IFNAR2: variants seen among roughly 807,000 people sequenced by gnomAD.
The protein encoded by IFNAR2 is interferon alpha and beta receptor subunit 2.
Under a neutral mutation model 49.4 loss-of-function variants are expected in IFNAR2, and 30 were observed. The ratio of observed to expected loss-of-function variants is 0.61; its 90% CI spans 0.45 to 0.82. The LOEUF (loss-of-function observed/expected upper bound fraction) is 0.82, where lower values mean the gene tolerates loss of function less well. Ranked by LOEUF, IFNAR2 falls within the 40% of genes least tolerant of loss-of-function variation. IFNAR2 has a pLI of 0.00. For synonymous variants in IFNAR2, 224 were observed against 234.5 expected (o/e 0.96, Z 0.41); for missense variants, 600 against 622.7 (o/e 0.96, Z 0.39).
At chr21:33,247,863 A>G (rs1223900034) in intron 5 of IFNAR2, among the ~76,000 whole-genome samples, 2 of 152,226 alleles carry the variant, frequency 1.3e-5, no homozygotes, top group African/African-American at 2.4e-5. Context: ...GCAAAGTGGT[A>G]AGGATAACTG....
At position 33,262,356 on chromosome 21, in the gene IFNAR2, T is replaced by G. The variant is rs369184863; in HGVS notation, c.841-437T>G. On this transcript the variant is annotated intron_variant, in intron 8 of 8. Coordinates refer to ENST00000342136, the MANE Select transcript of IFNAR2 (RefSeq NM_001289125.3). Reference sequence around the variant, plus strand: ...TCCAGCCTGGGCAACAGAGCGAGACTCCCGTCTCAAAAAAAAAAAAAAAAA... The same window carrying G: ...TCCAGCCTGGGCAACAGAGCGAGACGCCCGTCTCAAAAAAAAAAAAAAAAA... 9.6e-3 allele frequency among the ~76,000 whole-genome samples: 803 copies of G among 83,980 alleles called. 7 individuals carry two copies. Among genetic ancestry groups the G allele is most frequent in the African/African-American group, 0.038 (766 of 20,012 alleles). 55.1% of individuals were successfully genotyped at this position (83,980 alleles called of 152,430 possible). A position where few individuals can be genotyped will look rare whatever the true frequency, so the allele number is the denominator to read the frequency against.
intron 1 of IFNAR2, among the ~76,000 whole-genome samples, chr21:33,240,007 C>G (rs1986796840): frequency 6.7e-6 from 1 of 148,480 alleles, no homozygotes. Context: ...TCTGCAGGCC[C>G]AGAGTGGTCA....
At chr21:33,243,340 C>T (rs1418024875) in intron 2 of IFNAR2, among the ~76,000 whole-genome samples, 1 of 152,142 alleles carries the variant, frequency 6.6e-6, no homozygotes, top group East Asian at 1.9e-4. Context: ...ACCTCGGCCT[C>T]CCAAAGTGCT....
rs746695388 is a variant in IFNAR2 at position 33,248,720 on chromosome 21, C to T, written c.406C>T (p.Pro136Ser). The change falls in exon 6 of 9, where the codon CCA becomes TCA. Residue 136 changes from proline to serine, a missense_variant. Pro to Ser is a moderately conservative substitution (Grantham distance 74). Transcript: ENST00000342136. ...TGTTTTTTGCACAGTGTCTTTTGAA[C>T]CACCAGAGTTTGAGATTGTTGGTTT... The part of the protein sequence containing the change: ...FWLAIDMSFE[P>S]PEFEIVGFTN... The T allele has an allele frequency of 3.1e-6, 5 of 1,605,682 alleles. No individual in the cohort carries two copies. In the East Asian group the frequency reaches 6.8e-5, roughly 22 times the overall value.
chr21:33,230,489 G>T lies in IFNAR2; in HGVS notation c.-84+273G>T, dbSNP rs17860118. On this transcript the variant is annotated intron_variant, in intron 1 of 8. Transcript: ENST00000342136. The surrounding 1 kb of genome is among the most constrained non-coding windows in gnomAD (Gnocchi z 5.5). Reference sequence around the variant, plus strand: ...CCCCTGCTGGGAGTCCGCTTTCGTTGCACCCCTCCGCGTCCCACCCCACCC... The same window carrying T: ...CCCCTGCTGGGAGTCCGCTTTCGTTTCACCCCTCCGCGTCCCACCCCACCC... The T allele has an allele frequency of 0.096, 45,278 of 469,426 alleles. 2,461 individuals are homozygous for T. The highest frequency in any genetic ancestry group is 0.16 in the East Asian group (2,300 of 14,212). The allele number at this position is 469,426 out of a possible 1,614,324, so 29.1% of individuals were successfully genotyped here. A position where few individuals can be genotyped will look rare whatever the true frequency, so the allele number is the denominator to read the frequency against.
rs137865413 is a variant in IFNAR2, at chr21:33,242,457, G to A, written c.55+480G>A. On this transcript the variant is annotated intron_variant, in intron 2 of 8. Transcript: ENST00000342136. ...TGTTAAAGATCTCGTGTGTGTCCGG[G>A]CGCGGTGGCTCGCGCCTGTAATCCC... is the stretch of plus-strand genomic sequence containing the variant. Among the ~76,000 whole-genome samples the A allele has an allele frequency of 8.7e-4, 132 of 152,178 alleles. 1 individual carries two copies. The highest frequency in any genetic ancestry group is 2.8e-3 in the Admixed American group (43 of 15,298).
intron 1 of IFNAR2, among the ~76,000 whole-genome samples, chr21:33,240,775 A>T (rs902701725): frequency 1.8e-5 from 1 of 56,062 alleles, no homozygotes; most frequent in Non-Finnish European, 3.8e-5. Context: ...TGATTGCACC[A>T]CTGGCACTCC....
In IFNAR2 at chr21:33,243,701, A is replaced by G. The variant is rs978334718; in HGVS notation, c.84A>G (p.Ser28=). 1.2e-6 allele frequency: 2 copies of G among 1,613,148 alleles called. No individual in the cohort carries two copies. The highest frequency in any genetic ancestry group is 8.5e-7 in the Non-Finnish European group (1 of 1,179,120). The change falls in exon 3 of 9, where the codon TCA becomes TCG. Residue 28 remains serine, a synonymous_variant. Coordinates refer to ENST00000342136, the MANE Select transcript of IFNAR2 (RefSeq NM_001289125.3). ...MVYISLVFGI[S]YDSPDYTDES... is the part of the protein sequence containing the mutation. Reference sequence around the variant, plus strand: ...ATATCAGCCTCGTGTTTGGTATTTCATATGATTCGCCTGGTAAGAGATGTT... The same window carrying G: ...ATATCAGCCTCGTGTTTGGTATTTCGTATGATTCGCCTGGTAAGAGATGTT...
rs1988898856 is a variant in IFNAR2, at chr21:33,265,503, GC to G, written c.*2005del. On this transcript the variant is annotated 3_prime_UTR_variant, in exon 9 of 9. Coordinates refer to ENST00000342136, the MANE Select transcript of IFNAR2 (RefSeq NM_001289125.3). Reference sequence around the variant, plus strand: ...TTTTGTATATTGAATCAATTTATCTGCCTTCTCAGTGCATCTGTCATATTCT... The same window carrying G: ...TTTTGTATATTGAATCAATTTATCTGCTTCTCAGTGCATCTGTCATATTCT... 1 of 155,770 alleles carries G rather than the reference GC, an allele frequency of 6.4e-6. No individual in the cohort carries two copies. The highest frequency in any genetic ancestry group is 2.4e-5 in the African/African-American group (1 of 41,438). The allele number at this position is 155,770 out of a possible 1,614,324, so 9.6% of individuals were successfully genotyped here.
At position 33,263,264 on chromosome 21, in the gene IFNAR2, G is replaced by A. The variant is rs755448797; in HGVS notation, c.1312G>A (p.Glu438Lys). 3.5e-5 allele frequency: 57 copies of A among 1,614,066 alleles called. No homozygotes were observed. In the Admixed American group the frequency reaches 8.2e-4, roughly 23 times the overall value. The change falls in exon 9 of 9, where the codon GAG (glutamate) becomes AAG (lysine). Residue 438 changes from glutamate to lysine, a missense_variant. Coordinates refer to ENST00000342136, the MANE Select transcript of IFNAR2 (RefSeq NM_001289125.3). ...NSVFLRVLDD[E>K]DSDDLEAPLM... Reference sequence around the variant, plus strand: ...TGTGTTTTTGAGAGTTCTTGATGACGAGGACAGTGACGACTTAGAAGCCCC... The same window carrying A: ...TGTGTTTTTGAGAGTTCTTGATGACAAGGACAGTGACGACTTAGAAGCCCC...
chr21:33,257,400 G>T (rs1376257926), intron 7 of IFNAR2, among the ~76,000 whole-genome samples: 2 of 152,212 alleles, frequency 1.3e-5, no homozygotes, highest in South Asian at 2.1e-4. Context: ...CCTGGAAGGG[G>T]ACCTGAGCGG....
At chr21:33,254,186 A>G (rs1360022353) in intron 7 of IFNAR2, among the ~76,000 whole-genome samples, 1 of 152,202 alleles carries the variant, frequency 6.6e-6, no homozygotes, top group African/African-American at 2.4e-5. Context: ...GGCCGAGTAA[A>G]GTAAAGTAAA....
At chr21:33,258,507 C>T (rs556522502) in intron 7 of IFNAR2, among the ~76,000 whole-genome samples, 1 of 152,198 alleles carries the variant, frequency 6.6e-6, no homozygotes, top group South Asian at 2.1e-4. Context: ...ATTTTTTATC[C>T]CAGTGAAACC....
chr21:33,248,652 T>G, intron 5 of IFNAR2, 57 bp from the exon 6 acceptor site: 8 of 1,508,060 alleles, frequency 5.3e-6, no homozygotes, highest in Admixed American at 2.2e-5. Context: ...CTTTAGACTT[T>G]GTGGGCCACA....
chr21:33,257,263 G>A (rs1431615859), intron 7 of IFNAR2, among the ~76,000 whole-genome samples: 1 of 152,156 alleles, frequency 6.6e-6, no homozygotes, highest in Non-Finnish European at 1.5e-5. Flanking sequence ...TCGTGGTCTC[G>A]CTGACTTCAA....
In IFNAR2 at chr21:33,230,207, A is replaced by G. The variant is rs1262469172; in HGVS notation, c.-93A>G. On this transcript the variant is annotated 5_prime_UTR_variant, in exon 1 of 9. Coordinates refer to ENST00000342136, the MANE Select transcript of IFNAR2 (RefSeq NM_001289125.3). This position sits in a 1 kb window ranked among gnomAD's most constrained non-coding sequence, Gnocchi z 5.5. ...CATCTCTCGGGAGCCGCAAGGCGAG[A>G]GCTGCAAAGGTAACGCAGCGTGGCG... 6 of 1,044,324 alleles carry G rather than the reference A, an allele frequency of 5.7e-6. No homozygotes were observed. The highest frequency in any genetic ancestry group is 4.7e-4 in the Middle Eastern group (1 of 2,142). 64.7% of individuals were successfully genotyped at this position (1,044,324 alleles called of 1,614,324 possible).
intron 4 of IFNAR2, 92 bp downstream of exon 4, chr21:33,245,166 C>T: frequency 2.1e-6 from 2 of 946,098 alleles, no homozygotes; most frequent in Non-Finnish European, 3.3e-6. Context: ...GTCTCTCCCT[C>T]TCCCTTTTCC....
chr21:33,230,135 G>A lies in IFNAR2; in HGVS notation c.-165G>A. 3.0e-6 allele frequency: 3 copies of A among 992,700 alleles called. No individual in the cohort carries two copies. The highest frequency in any genetic ancestry group is 3.6e-6 in the Non-Finnish European group (3 of 833,592). The allele number at this position is 992,700 out of a possible 1,614,324, so 61.5% of individuals were successfully genotyped here. ...GCCGCCCGCGAGGCGCATCCTGACC[G>A]CGAGCGTCGGGTCCCAGAGCCGGGC... On this transcript the variant is annotated 5_prime_UTR_variant, in exon 1 of 9. Transcript: ENST00000342136. This position sits in a 1 kb window ranked among gnomAD's most constrained non-coding sequence, Gnocchi z 5.5.
intron 8 of IFNAR2, chr21:33,262,421 A>G (rs1016682314): frequency 1.1e-4 from 58 of 550,004 alleles, no homozygotes; most frequent in Non-Finnish European, 3.2e-5. Context: ...TGCAAGGGAA[A>G]GGTAAATTAT....
Sources: allele counts gnomAD v4.1 joint callset (sites outside exome capture counted in the v4.1 genomes callset), GRCh38; gene constraint gnomAD v4.1.1; non-coding constraint Gnocchi (gnomAD v3.1); transcripts MANE v1.5; gene names NCBI Gene and HGNC (gene_info 2026-07-23, HGNC 2026-07-21).